ZNF560: variants seen among roughly 807,000 people sequenced by gnomAD.
ZNF560 encodes the protein zinc finger protein 560.
ZNF560 carries 54 observed loss-of-function variants against 81.8 expected under a neutral mutation model. That is an observed-to-expected ratio of 0.66 (90% CI 0.53 to 0.83). The LOEUF is 0.83. Ranked by LOEUF, ZNF560 falls within the 40% of genes least tolerant of loss-of-function variation. ZNF560 has a pLI of 0.00. For synonymous variants in ZNF560, 321 were observed against 317.9 expected, an observed-to-expected ratio of 1.01 and a Z score of -0.10; for missense variants, 940 against 932.4, an observed-to-expected ratio of 1.01 and a Z score of -0.11.
At chr19:9,461,480 GATT>G (rs1309336528), downstream of ZNF560, among the ~76,000 whole-genome samples, 1 of 152,112 alleles carries the variant, frequency 6.6e-6, no homozygotes, top group Non-Finnish European at 1.5e-5. Context: ...CTTTAATCTT[GATT>G]ATTATGGGAC....
chr19:9,497,508 C>G (rs1239870485), intron 2 of ZNF560, among the ~76,000 whole-genome samples: 3 of 143,038 alleles, frequency 2.1e-5, no homozygotes, highest in African/African-American at 7.9e-5. Context: ...GCACTCCAGC[C>G]TGGGCGACAC....
intron 2 of ZNF560, among the ~76,000 whole-genome samples, chr19:9,489,975 G>A (rs2073445806): frequency 6.6e-6 from 1 of 152,162 alleles, no homozygotes; most frequent in Non-Finnish European, 1.5e-5. Context: ...ATTAGCTAAT[G>A]GACCATGGCA....
At chr19:9,495,521 C>T (rs1231048189) in intron 2 of ZNF560, among the ~76,000 whole-genome samples, 1 of 152,144 alleles carries the variant, frequency 6.6e-6, no homozygotes. Flanking sequence ...GCCTGGCCAA[C>T]ATGATGATAC....
intron 2 of ZNF560, among the ~76,000 whole-genome samples, chr19:9,483,842 C>A (rs2073342254): frequency 6.6e-6 from 1 of 151,808 alleles, no homozygotes; most frequent in African/African-American, 2.4e-5. Context: ...GCGGTTTTGT[C>A]GAATAGAAAA....
intron 2 of ZNF560, among the ~76,000 whole-genome samples, chr19:9,488,137 G>A (rs1288999647): frequency 1.3e-5 from 2 of 152,104 alleles, no homozygotes; most frequent in East Asian, 1.9e-4. Flanking sequence ...AGTTCCCACA[G>A]GAGCTAACTG....
Position 9,473,276 on chromosome 19 carries a change from G to T in ZNF560, c.158-17C>A. On this transcript the variant is annotated splice_polypyrimidine_tract_variant and intron_variant, in intron 4 of 9. Coordinates refer to ENST00000301480, the MANE Select transcript of ZNF560 (RefSeq NM_152476.3). ...GCTGAAATCCTTTACATGAAGAAAT[G>T]ATACATTAATGGAAGAGGCTCAGGC... 1 of 1,592,800 alleles carries T rather than the reference G, an allele frequency of 6.3e-7. No homozygotes were observed. The highest frequency in any genetic ancestry group is 1.1e-5 in the South Asian group (1 of 88,238).
At chr19:9,449,667 C>T in the ZNF560 span, among the ~76,000 whole-genome samples, 1 of 152,122 alleles carries the variant, frequency 6.6e-6, no homozygotes, top group South Asian at 2.1e-4. Context: ...GCTGGAAGCA[C>T]CCCACTTAAG....
At chr19:9,468,450 G>T (rs1224443402) in intron 9 of ZNF560, 116 bp from the exon 10 acceptor site, 1 of 723,524 alleles carries the variant, frequency 1.4e-6, no homozygotes, top group East Asian at 2.9e-5. Context: ...CATGCATATA[G>T]TTTCTACCTT....
chr19:9,489,375 G>A (rs890195194), intron 2 of ZNF560, among the ~76,000 whole-genome samples: 1 of 151,450 alleles, frequency 6.6e-6, no homozygotes, highest in African/African-American at 2.4e-5. Flanking sequence ...TGGTGGCCAG[G>A]CAGAGGTGCT....
At chr19:9,489,556 A>C (rs753792208) in intron 2 of ZNF560, among the ~76,000 whole-genome samples, 2 of 151,780 alleles carry the variant, frequency 1.3e-5, no homozygotes, top group Non-Finnish European at 2.9e-5. Flanking sequence ...TTCACTTCCC[A>C]GACAGTTGGG....
upstream of ZNF560, among the ~76,000 whole-genome samples, chr19:9,499,474 G>A (rs1487817605): frequency 1.3e-5 from 2 of 152,192 alleles, no homozygotes; most frequent in Non-Finnish European, 2.9e-5. Flanking sequence ...TTACAGGCGT[G>A]AGCCATCATG....
the ZNF560 span, among the ~76,000 whole-genome samples, chr19:9,460,809 C>T: frequency 6.6e-6 from 1 of 152,150 alleles, no homozygotes; most frequent in Admixed American, 6.5e-5. Context: ...AATGAATGTA[C>T]TCATTTGGGA....
chr19:9,467,361 G>T lies in ZNF560; in HGVS notation c.1586C>A (p.Ala529Asp), dbSNP rs1161547368. Reference protein sequence around the residue: ...YKCGKPFTSSACLRIHMRTHT... With the variant: ...YKCGKPFTSSDCLRIHMRTHT... ...AGTTCGCATGTGAATACGAAGACAG[G>T]CAGAAGAGGTAAATGGTTTCCCACA... Residue 529 changes from alanine to aspartate, a missense_variant, in exon 10 of 10, where the codon GCC becomes GAC. Physicochemically the swap from Ala to Asp is moderately radical, Grantham distance 126. Transcript: ENST00000301480. 1.9e-6 allele frequency: 3 copies of T among 1,614,144 alleles called. No homozygotes were observed. The highest frequency in any genetic ancestry group is 2.2e-5 in the South Asian group (2 of 91,082).
chr19:9,500,827 G>A (rs1378398547), upstream of ZNF560, among the ~76,000 whole-genome samples: 1 of 151,920 alleles, frequency 6.6e-6, no homozygotes, highest in Non-Finnish European at 1.5e-5. Flanking sequence ...CACCTGCCTT[G>A]GCCACCCAAA....
chr19:9,486,615 C>T (rs912830856), intron 2 of ZNF560, among the ~76,000 whole-genome samples: 2 of 151,918 alleles, frequency 1.3e-5, no homozygotes, highest in Non-Finnish European at 2.9e-5. Context: ...TGGCAGGTGC[C>T]TGTAATCTCA....
intron 2 of ZNF560, among the ~76,000 whole-genome samples, chr19:9,494,688 A>G (rs926968328): frequency 7.3e-5 from 11 of 150,988 alleles, no homozygotes; most frequent in African/African-American, 1.9e-4. Flanking sequence ...GTGAGCCAAG[A>G]TCACGCCACT....
Position 9,466,506 on chromosome 19 carries a change from C to T in ZNF560, c.*68G>A. 1.4e-6 allele frequency: 2 copies of T among 1,423,566 alleles called. No individual in the cohort carries two copies. The highest frequency in any genetic ancestry group is 2.8e-5 in the South Asian group (2 of 71,710). The allele number at this position is 1,423,566 out of a possible 1,614,324, so 88.2% of individuals were successfully genotyped here. On this transcript the variant is annotated 3_prime_UTR_variant, in exon 10 of 10. Transcript: ENST00000301480. Reference sequence around the variant, plus strand: ...TGTTACTTTCTCCTGTGAATTTTTACATGTTCAGTTAGGCTTGAGGAAACA... The same window carrying T: ...TGTTACTTTCTCCTGTGAATTTTTATATGTTCAGTTAGGCTTGAGGAAACA...
the ZNF560 span, among the ~76,000 whole-genome samples, chr19:9,459,950 C>G: frequency 8.6e-5 from 13 of 151,982 alleles, no homozygotes; most frequent in African/African-American, 3.1e-4. Context: ...TACATTATGT[C>G]AGACAAGCAG....
In ZNF560 at chr19:9,492,139, C is replaced by G. The variant is rs145318927; in HGVS notation, c.-57+5989G>C. ...AGGACTACAGGCATGTATCATCAAG[C>G]CTGGCTAATCTGGGTGGTTTTCGTA... On this transcript the variant is annotated intron_variant, in intron 2 of 9. Transcript: ENST00000301480. Among the ~76,000 whole-genome samples, 315 of 151,986 alleles carry G rather than the reference C, an allele frequency of 2.1e-3. 2 individuals carry two copies. The highest frequency in any genetic ancestry group is 7.2e-3 in the African/African-American group (299 of 41,454).
Sources: allele counts gnomAD v4.1 joint callset (sites outside exome capture counted in the v4.1 genomes callset), GRCh38; gene constraint gnomAD v4.1.1; transcripts MANE v1.5; gene names NCBI Gene and HGNC (gene_info 2026-07-23, HGNC 2026-07-21).